Variants in PRELID2 observed in about 807,000 individuals in gnomAD.
PRELID2 encodes the protein PRELI domain-containing protein 2.
PRELID2 carries 25 observed loss-of-function variants against 28.4 expected under a neutral mutation model. That is an observed-to-expected ratio of 0.88 (90% confidence interval 0.64 to 1.23). PRELID2 has a LOEUF of 1.23. Among genes scored for constraint, PRELID2 ranks in the 50% most tolerant of loss-of-function variants. The pLI, the probability that PRELID2 is intolerant of heterozygous loss-of-function variation, is 0.00. For missense variants in PRELID2, 201 were observed against 214.4 expected (o/e 0.94, Z 0.39); for synonymous variants, 76 against 71.6 (o/e 1.06, Z -0.31).
At chr5:145,243,673 A>G in the PRELID2 span, among the ~76,000 whole-genome samples, 12,741 of 152,136 alleles carry the variant, frequency 0.084, 1,175 homozygotes, top group African/African-American at 0.23. Flanking sequence ...ATCATATAGT[A>G]TATATAGCCT....
the PRELID2 span, among the ~76,000 whole-genome samples, chr5:145,454,908 A>T: frequency 2.6e-4 from 40 of 152,036 alleles, no homozygotes; most frequent in African/African-American, 9.2e-4. Flanking sequence ...GATTGCAAAA[A>T]TTTTCTCCCA....
intron 1 of PRELID2, among the ~76,000 whole-genome samples, chr5:145,736,994 A>G (rs914633788): frequency 2.0e-5 from 3 of 152,116 alleles, no homozygotes; most frequent in Admixed American, 6.5e-5. Flanking sequence ...TATTTTGGGA[A>G]TTATTTAGAG....
intron 1 of PRELID2, chr5:145,728,368 G>T: frequency 2.4e-6 from 1 of 408,592 alleles, no homozygotes; most frequent in Non-Finnish European, 4.6e-6. Flanking sequence ...ACATCTTCCT[G>T]GAAACCTTTT....
At chr5:145,634,464 T>C (rs994776975) in intron 1 of PRELID2, among the ~76,000 whole-genome samples, 1 of 152,188 alleles carries the variant, frequency 6.6e-6, no homozygotes, top group African/African-American at 2.4e-5. Flanking sequence ...ACCAAAATCA[T>C]TCTCACCTCT....
At chr5:145,326,455 A>G in the PRELID2 span, among the ~76,000 whole-genome samples, 1 of 152,226 alleles carries the variant, frequency 6.6e-6, no homozygotes, top group East Asian at 1.9e-4. Context: ...ATTTTGAAGA[A>G]AAAGAACAAA....
chr5:145,824,697 A>G lies in PRELID2; in HGVS notation c.76-1563T>C, dbSNP rs116774700. Among the ~76,000 whole-genome samples the G allele has an allele frequency of 4.8e-3, 724 of 152,228 alleles. 8 individuals carry two copies. Among genetic ancestry groups the G allele is most frequent in the African/African-American group, 0.015 (615 of 41,544 alleles). On this transcript the variant is annotated intron_variant, in intron 1 of 6. Coordinates refer to ENST00000683046, the MANE Select transcript of PRELID2 (RefSeq NM_205846.3). ...TAAAAAATTGGGAATATAAACCTCA[A>G]TGACCTCAGGGATCAATTTGGAAAA... is the stretch of plus-strand genomic sequence containing the variant.
In PRELID2 at chr5:145,708,304, A is replaced by G. The variant is rs1561552003; in HGVS notation, n.70+56627T>C. On this transcript the variant is annotated intron_variant and non_coding_transcript_variant, in intron 1 of 2. Coordinates refer to the PRELID2 transcript ENST00000510259. ...TACAGTAAGAAAATGATGAATCAAGAAAAAAAAAAAGGATAGATTCTAACT... is the reference window on the plus strand; with the variant it reads ...TACAGTAAGAAAATGATGAATCAAGGAAAAAAAAAAGGATAGATTCTAACT... Among the ~76,000 whole-genome samples, 3 of 112,720 alleles carry G rather than the reference A, an allele frequency of 2.7e-5. 1 individual carries two copies. The highest frequency in any genetic ancestry group is 3.6e-5 in the African/African-American group (1 of 27,718). 73.9% of individuals were successfully genotyped at this position (112,720 alleles called of 152,430 possible).
intron 5 of PRELID2, among the ~76,000 whole-genome samples, chr5:145,779,633 A>G (rs1391761053): frequency 1.3e-5 from 2 of 152,210 alleles, no homozygotes; most frequent in African/African-American, 4.8e-5. Context: ...AAATACGCCA[A>G]TTTGGGTAAT....
At chr5:145,614,576 C>CT (rs61424758) in intron 1 of PRELID2, among the ~76,000 whole-genome samples, 19,428 of 151,722 alleles carry the variant, frequency 0.13, 1,756 homozygotes, top group African/African-American at 0.23. Context: ...ATTTTTATTA[C>CT]TTTTTTTTGC....
intron 4 of PRELID2, among the ~76,000 whole-genome samples, chr5:145,811,065 T>TCTTA (rs1288062951): frequency 9.6e-6 from 1 of 104,380 alleles, no homozygotes; most frequent in East Asian, 3.2e-4. Context: ...AAAAGGCACG[T>TCTTA]CTTACATGGC....
At chr5:145,379,847 C>G in the PRELID2 span, among the ~76,000 whole-genome samples, 2 of 152,070 alleles carry the variant, frequency 1.3e-5, no homozygotes, top group Non-Finnish European at 2.9e-5. Context: ...GCCCCGAGAG[C>G]ACTCAAGACT....
chr5:145,786,938 C>T (rs1752032038), intron 5 of PRELID2, among the ~76,000 whole-genome samples: 2 of 152,142 alleles, frequency 1.3e-5, no homozygotes, highest in South Asian at 4.1e-4. Context: ...TTCTTAAAAG[C>T]GATGTTCAAA....
At chr5:145,801,607 T>C (rs998166335) in intron 4 of PRELID2, among the ~76,000 whole-genome samples, 3 of 152,152 alleles carry the variant, frequency 2.0e-5, no homozygotes, top group African/African-American at 7.2e-5. Flanking sequence ...GCTTTGAAAA[T>C]TATTTTCTCT....
intron 2 of PRELID2, among the ~76,000 whole-genome samples, chr5:145,820,514 G>C (rs891669541): frequency 7.2e-5 from 11 of 152,126 alleles, no homozygotes; most frequent in African/African-American, 2.7e-4. Context: ...CAAAAAGAGG[G>C]AGAACCTGAT....
chr5:145,243,722 A>G, the PRELID2 span, among the ~76,000 whole-genome samples: 1 of 152,122 alleles, frequency 6.6e-6, no homozygotes, highest in Non-Finnish European at 1.5e-5. Flanking sequence ...TATACAATTA[A>G]GGTTTACAGA....
chr5:145,811,269 A>C (rs1390195157), intron 4 of PRELID2, among the ~76,000 whole-genome samples: 4 of 151,782 alleles, frequency 2.6e-5, no homozygotes, highest in Admixed American at 1.3e-4. Context: ...GTGAGCTACA[A>C]CTCAAGATGA....
At chr5:145,487,160 G>A (rs1241850555) in intron 1 of PRELID2, among the ~76,000 whole-genome samples, 4 of 149,590 alleles carry the variant, frequency 2.7e-5, no homozygotes, top group African/African-American at 7.4e-5. Context: ...GTTAGTGGGT[G>A]CAGCGCACCA....
At chr5:145,591,934 T>C (rs1198447389) in intron 1 of PRELID2, among the ~76,000 whole-genome samples, 1 of 152,204 alleles carries the variant, frequency 6.6e-6, no homozygotes, top group Non-Finnish European at 1.5e-5. Flanking sequence ...ACTATGTCAG[T>C]CTCACTGCTT....
At chr5:145,787,972 G>A (rs1752114008) in intron 5 of PRELID2, among the ~76,000 whole-genome samples, 1 of 152,162 alleles carries the variant, frequency 6.6e-6, no homozygotes, top group Non-Finnish European at 1.5e-5. Flanking sequence ...CCTGAAGGGA[G>A]TAATAATGAA....
Sources: gnomAD v4.1 joint callset for allele counts (sites outside exome capture counted in the v4.1 genomes callset) on GRCh38, gnomAD v4.1.1 for gene constraint, MANE v1.5 for transcripts, NCBI Gene and HGNC (gene_info 2026-07-23, HGNC 2026-07-21) for gene names.